The following MYLK3 variants were observed in gnomAD, a reference collection of about 807,000 sequenced individuals.
The protein encoded by MYLK3 is myosin light chain kinase 3.
In MYLK3, 55 loss-of-function variants were observed where a neutral mutation model predicts 76.3. That is an observed-to-expected ratio of 0.72 (90% CI 0.58 to 0.90). The LOEUF (loss-of-function observed/expected upper bound fraction) is 0.90, where lower values mean the gene tolerates loss of function less well. Ranked by LOEUF, MYLK3 falls within the 40% of genes least tolerant of loss-of-function variation. The probability of loss-of-function intolerance (pLI) is 0.00; values close to 1 mark genes in which losing one functional copy is unlikely to be tolerated. For missense variants in MYLK3, 973 were observed against 1,053.6 expected, an observed-to-expected ratio of 0.92 and a Z score of 1.06; for synonymous variants, 416 against 425.4, an observed-to-expected ratio of 0.98 and a Z score of 0.27.
chr16:46,725,919 A>C (rs763511568), intron 8 of MYLK3: 1 of 152,174 alleles, frequency 6.6e-6, no homozygotes, highest in Non-Finnish European at 1.5e-5. Flanking sequence ...CAATGTCTAG[A>C]AGGATTTTTT....
intron 1 of MYLK3, among the ~76,000 whole-genome samples, chr16:46,745,751 A>C (rs925504849): frequency 1.3e-5 from 2 of 152,134 alleles, no homozygotes; most frequent in African/African-American, 4.8e-5. Flanking sequence ...TCAAAAACAA[A>C]CAAAAACAAC....
At chr16:46,720,301 G>C (rs1001691847) in intron 9 of MYLK3, among the ~76,000 whole-genome samples, 6 of 152,078 alleles carry the variant, frequency 3.9e-5, no homozygotes, top group African/African-American at 1.5e-4. Flanking sequence ...GCAGGCTCAA[G>C]TGATCCTCCC....
chr16:46,731,245 T>C (rs961761422), intron 4 of MYLK3, among the ~76,000 whole-genome samples: 3 of 152,036 alleles, frequency 2.0e-5, no homozygotes, highest in East Asian at 1.9e-4. Context: ...GGGCACAGGA[T>C]TGGGGAGGGG....
chr16:46,749,342 G>A (rs1462742481), upstream of MYLK3, among the ~76,000 whole-genome samples: 8 of 152,226 alleles, frequency 5.3e-5, no homozygotes, highest in South Asian at 2.1e-4. Context: ...GCAGGCACAC[G>A]GCCTCCTGAG....
intron 9 of MYLK3, among the ~76,000 whole-genome samples, chr16:46,717,304 G>GT (rs961845156): frequency 2.6e-5 from 4 of 152,324 alleles, no homozygotes; most frequent in African/African-American, 9.6e-5. Context: ...GAAGTCTTCA[G>GT]TGTTGTTTGC....
rs561332041 is a variant in MYLK3, at chr16:46,732,363, T to C, written c.1307A>G (p.Asn436Ser). 3.7e-5 allele frequency: 59 copies of C among 1,613,614 alleles called. No homozygotes were observed. The South Asian group carries it at 5.1e-4, about 14-fold the overall frequency. ...TRPSLARSDDNDHEVGALGLQ... is the reference protein window; with the variant it reads ...TRPSLARSDDSDHEVGALGLQ... The stretch of plus-strand genomic sequence containing the variant: ...GCCCAGGGCCCCAACCTCGTGGTCA[T>C]TGTCGTCACTCCTGGCCAAGCTTGG... Residue 436 changes from asparagine (N) to serine (S), a missense_variant, in exon 4 of 13, where the codon AAT (asparagine) becomes AGT (serine). Asn to Ser is a conservative substitution (Grantham distance 46). Coordinates refer to ENST00000394809, the MANE Select transcript of MYLK3 (RefSeq NM_182493.3).
In MYLK3 at chr16:46,703,620, AATT is replaced by A. The variant is rs1966597443; in HGVS notation, c.*4081_*4083del. On this transcript the variant is annotated 3_prime_UTR_variant, in exon 13 of 13. Transcript: ENST00000394809. Reference sequence around the variant, plus strand: ...TATTTGAGCTAAGTACACACCAGCAAATTACTAAAAATATCCAGAAAAACTCAA... The same window carrying A: ...TATTTGAGCTAAGTACACACCAGCAAACTAAAAATATCCAGAAAAACTCAA... The A allele has an allele frequency of 1.3e-5, 2 of 152,362 alleles. No homozygotes were observed. The highest frequency in any genetic ancestry group is 4.8e-5 in the African/African-American group (2 of 41,454). 9.4% of individuals were successfully genotyped at this position (152,362 alleles called of 1,614,324 possible).
intron 2 of MYLK3, among the ~76,000 whole-genome samples, chr16:46,738,983 G>A (rs1966889199): frequency 6.6e-6 from 1 of 152,154 alleles, no homozygotes; most frequent in Non-Finnish European, 1.5e-5. Context: ...TGGGATTACA[G>A]GCACATGCCA....
At chr16:46,711,463 GC>G in intron 10 of MYLK3, 1 of 214,186 alleles carries the variant, frequency 4.7e-6, no homozygotes. Context: ...ATCCTGCCCT[GC>G]CCCCCACCCC....
chr16:46,714,331 A>G (rs953438492), intron 9 of MYLK3, among the ~76,000 whole-genome samples: 15 of 152,244 alleles, frequency 9.9e-5, no homozygotes, highest in African/African-American at 3.6e-4. Context: ...TTCTGCCAAT[A>G]TGCCCTGCTT....
intron 9 of MYLK3, among the ~76,000 whole-genome samples, chr16:46,714,336 C>G (rs987671344): frequency 6.6e-6 from 1 of 152,190 alleles, no homozygotes; most frequent in Non-Finnish European, 1.5e-5. Context: ...CCAATATGCC[C>G]TGCTTCCTTT....
intron 5 of MYLK3, among the ~76,000 whole-genome samples, 193 bp downstream of exon 5, chr16:46,730,400 C>A (rs1214058271): frequency 6.6e-6 from 1 of 152,140 alleles, no homozygotes; most frequent in Non-Finnish European, 1.5e-5. Context: ...CGTGTCCTCT[C>A]AAGCTATTCT....
chr16:46,713,253 A>T (rs1966703465), intron 9 of MYLK3, among the ~76,000 whole-genome samples: 1 of 146,810 alleles, frequency 6.8e-6, no homozygotes, highest in African/African-American at 2.5e-5. Context: ...GCTGGAGTGC[A>T]GTGATAAGAT....
At chr16:46,761,420 T>TG (rs1282435911) in intron 1 of MYLK3, among the ~76,000 whole-genome samples, 2 of 151,426 alleles carry the variant, frequency 1.3e-5, no homozygotes, top group Non-Finnish European at 2.9e-5. Flanking sequence ...TTACCTGGGG[T>TG]GGGGGGATTG....
intron 2 of MYLK3, 73 bp from the exon 3 acceptor site, chr16:46,738,216 C>G: frequency 7.7e-7 from 1 of 1,294,590 alleles, no homozygotes; most frequent in Non-Finnish European, 1.0e-6. Flanking sequence ...TGCAAGGAAT[C>G]TGCACAAGGC....
chr16:46,728,587 G>A (rs1465251093), intron 7 of MYLK3, among the ~76,000 whole-genome samples: 1 of 152,156 alleles, frequency 6.6e-6, no homozygotes, highest in Non-Finnish European at 1.5e-5. Flanking sequence ...TGGGCATTGT[G>A]GCACACGCCT....
Position 46,747,883 on chromosome 16 carries a change from G to C in MYLK3, c.311C>G (p.Ala104Gly), listed in dbSNP as rs148872608. Residue 104 changes from alanine (A) to glycine (G), a missense_variant, in exon 1 of 13, where the codon GCG becomes GGG. Around this residue, in one of 2 missense-constraint regions of MYLK3, gnomAD observed 641 missense variants for 637.0 expected, o/e 1.01. Coordinates refer to ENST00000394809, the MANE Select transcript of MYLK3 (RefSeq NM_182493.3). ...LELVRAMQQD[A>G]AQHGARLEAL... ...CTCCAGCCTGGCACCGTGCTGGGCC[G>C]CATCCTGCTGCATGGCCCTCACCAG... 1 of 1,613,738 alleles carries C rather than the reference G, an allele frequency of 6.2e-7. No homozygotes were observed. Among genetic ancestry groups the C allele is most frequent in the Non-Finnish European group, 8.5e-7 (1 of 1,179,882 alleles).
intron 1 of MYLK3, among the ~76,000 whole-genome samples, chr16:46,756,110 G>T (rs1037873222): frequency 2.0e-5 from 3 of 151,692 alleles, no homozygotes; most frequent in Non-Finnish European, 4.4e-5. Context: ...GGCTTTCACC[G>T]TGTTGCCCAG....
chr16:46,737,436 A>G (rs1966873723), intron 3 of MYLK3, among the ~76,000 whole-genome samples: 1 of 152,198 alleles, frequency 6.6e-6, no homozygotes, highest in African/African-American at 2.4e-5. Context: ...AAGCATGTAA[A>G]AAAGAAAAAT....
Sources: allele counts gnomAD v4.1 joint callset (sites outside exome capture counted in the v4.1 genomes callset), GRCh38; gene constraint gnomAD v4.1.1; regional missense constraint gnomAD v4.1.1; transcripts MANE v1.5; gene names NCBI Gene and HGNC (gene_info 2026-07-23, HGNC 2026-07-21).